The following RUNX2 variants were observed in gnomAD, a reference collection of about 807,000 sequenced individuals.
RUNX2 encodes runt-related transcription factor 2.
Under a neutral mutation model 51.7 loss-of-function variants are expected in RUNX2, and 10 were observed. That is an observed-to-expected ratio of 0.19 (90% confidence interval 0.12 to 0.33). The LOEUF (loss-of-function observed/expected upper bound fraction) is 0.33, where lower values mean the gene tolerates loss of function less well. RUNX2 is among the 10% of genes least tolerant of loss of function. RUNX2 has a pLI of 1.00. For synonymous variants in RUNX2, 276 were observed against 273.6 expected (o/e 1.01, Z -0.09); for missense variants, 562 against 691.3 (o/e 0.81, Z 2.10).
rs1462767373 is a variant in RUNX2, at chr6:45,351,788, C to T, written c.58+23004C>T. Among the ~76,000 whole-genome samples, 10 of 152,202 alleles carry T rather than the reference C, an allele frequency of 6.6e-5. 1 individual carries two copies. The East Asian group carries it at 1.9e-3, about 29-fold the overall frequency. On this transcript the variant is annotated intron_variant, in intron 2 of 8. Coordinates refer to ENST00000647337, the MANE Select transcript of RUNX2 (RefSeq NM_001024630.4). ...TTCAATAGCCTTCTGCCACATCTGC[C>T]CTTCAAATACCTAAATTAACCCAAT...
At chr6:45,341,636 G>A (rs1308285356) in intron 2 of RUNX2, among the ~76,000 whole-genome samples, 1 of 152,082 alleles carries the variant, frequency 6.6e-6, no homozygotes, top group Non-Finnish European at 1.5e-5. Context: ...TAAGACTCGA[G>A]GTAACAAAAA....
At chr6:45,376,410 G>A (rs1291167800) in intron 2 of RUNX2, among the ~76,000 whole-genome samples, 1 of 151,950 alleles carries the variant, frequency 6.6e-6, no homozygotes, top group Non-Finnish European at 1.5e-5. Context: ...GCCACATGTG[G>A]GTATTTAAAC....
intron 7 of RUNX2, among the ~76,000 whole-genome samples, chr6:45,515,264 G>T (rs1435681822): frequency 6.6e-6 from 1 of 152,114 alleles, no homozygotes; most frequent in South Asian, 2.1e-4. Context: ...TCGGACCCAG[G>T]TTTTTATCCC....
intron 6 of RUNX2, among the ~76,000 whole-genome samples, chr6:45,497,597 C>A (rs1311050284): frequency 6.6e-6 from 1 of 152,120 alleles, no homozygotes; most frequent in East Asian, 1.9e-4. Flanking sequence ...ATGCTGCCAC[C>A]TCTGTCAAGC....
At chr6:45,453,310 CG>C (rs1262529247) in intron 5 of RUNX2, among the ~76,000 whole-genome samples, 5 of 152,226 alleles carry the variant, frequency 3.3e-5, no homozygotes, top group South Asian at 2.1e-4. Context: ...TAAAAAAGAA[CG>C]CTCTTCTCAA....
intron 3 of RUNX2, among the ~76,000 whole-genome samples, chr6:45,425,776 T>G (rs929331360): frequency 6.6e-6 from 1 of 152,104 alleles, no homozygotes; most frequent in Non-Finnish European, 1.5e-5. Flanking sequence ...TATGAAGAAG[T>G]CTCCCTTTTA....
chr6:45,393,232 G>T (rs966540643), intron 2 of RUNX2, among the ~76,000 whole-genome samples: 1 of 151,998 alleles, frequency 6.6e-6, no homozygotes, highest in African/African-American at 2.4e-5. Context: ...TGTACTTTTT[G>T]CTTCTCAATA....
rs78307928 is a variant in RUNX2 at position 45,461,187 on chromosome 6, A to C, written c.685+23136A>C. ...ATCAGGCTAATGATGCAGGGCTGTAAAAGCTATTCAGAAAAGTCTCAGTTA... is the reference window on the plus strand; with the variant it reads ...ATCAGGCTAATGATGCAGGGCTGTACAAGCTATTCAGAAAAGTCTCAGTTA... On this transcript the variant is annotated intron_variant, in intron 5 of 8. Coordinates refer to ENST00000647337, the MANE Select transcript of RUNX2 (RefSeq NM_001024630.4). 6.3e-3 allele frequency among the ~76,000 whole-genome samples: 960 copies of C among 152,296 alleles called. 8 individuals carry two copies. Among genetic ancestry groups the C allele is most frequent in the African/African-American group, 0.022 (899 of 41,558 alleles).
intron 5 of RUNX2, among the ~76,000 whole-genome samples, chr6:45,468,611 C>T (rs987625257): frequency 1.3e-5 from 2 of 152,110 alleles, no homozygotes; most frequent in Admixed American, 1.3e-4. Flanking sequence ...CCTAGAAAAC[C>T]CAATGTGTTA....
At chr6:45,394,891 T>C (rs957421188) in intron 2 of RUNX2, among the ~76,000 whole-genome samples, 1 of 152,154 alleles carries the variant, frequency 6.6e-6, no homozygotes, top group African/African-American at 2.4e-5. Flanking sequence ...TTGAGAGCAT[T>C]TTTCCCTGAT....
At chr6:45,491,547 A>G (rs1040706974) in intron 5 of RUNX2, among the ~76,000 whole-genome samples, 1 of 149,786 alleles carries the variant, frequency 6.7e-6, no homozygotes, top group African/African-American at 2.5e-5. Context: ...ACATGCACGG[A>G]CTCTCTGAAC....
At chr6:45,455,612 G>A (rs1318996965) in intron 5 of RUNX2, among the ~76,000 whole-genome samples, 3 of 152,114 alleles carry the variant, frequency 2.0e-5, no homozygotes, top group Non-Finnish European at 4.4e-5. Flanking sequence ...CACCCGTAAA[G>A]GTCCATAAAG....
intron 5 of RUNX2, among the ~76,000 whole-genome samples, chr6:45,477,684 A>G (rs1057388197): frequency 2.0e-5 from 3 of 152,226 alleles, no homozygotes; most frequent in African/African-American, 7.2e-5. Flanking sequence ...GATTTAGCTT[A>G]GTATACTCTC....
chr6:45,459,693 G>A (rs1179439622), intron 5 of RUNX2, among the ~76,000 whole-genome samples: 3 of 152,312 alleles, frequency 2.0e-5, no homozygotes, highest in East Asian at 1.9e-4. Context: ...TCTATTGAAA[G>A]AGGGAGACAA....
chr6:45,490,661 A>G (rs938800551), intron 5 of RUNX2, among the ~76,000 whole-genome samples: 5 of 152,198 alleles, frequency 3.3e-5, no homozygotes, highest in African/African-American at 1.2e-4. Context: ...CTACCCATAG[A>G]GTAGTGAAAA....
chr6:45,512,257 G>A lies in RUNX2; in HGVS notation c.871G>A (p.Ala291Thr). The A allele has an allele frequency of 6.2e-7, 1 of 1,613,784 alleles. No homozygotes were observed. Among genetic ancestry groups the A allele is most frequent in the Non-Finnish European group, 8.5e-7 (1 of 1,179,994 alleles). Residue 291 changes from alanine (A) to threonine (T), a missense_variant, in exon 7 of 9, where the codon GCA (alanine) becomes ACA (threonine). Ala to Thr is a moderately conservative substitution (Grantham distance 58). This residue lies in a region of RUNX2 where 304 missense variants were observed against 353.2 expected (regional missense o/e 0.86). Coordinates refer to ENST00000647337, the MANE Select transcript of RUNX2 (RefSeq NM_001024630.4). ...GQSQITDPRQ[A>T]QSSPPWSYDQ... ...TTTCTTTTTCCCAGACCCCAGGCAG[G>A]CACAGTCTTCCCCGCCGTGGTCCTA...
intron 5 of RUNX2, among the ~76,000 whole-genome samples, chr6:45,481,276 A>G (rs1047697730): frequency 1.3e-5 from 2 of 152,220 alleles, no homozygotes; most frequent in Non-Finnish European, 2.9e-5. Flanking sequence ...AATGCCATCC[A>G]TGTTTAGCTG....
In RUNX2 at chr6:45,431,960, T is replaced by C. The variant is rs568476296; in HGVS notation, c.521T>C (p.Val174Ala). ...YSAELRNASAVMKNQVARFND... is the reference protein window; with the variant it reads ...YSAELRNASAAMKNQVARFND... ...GCTGAGCTCCGGAATGCCTCTGCTG[T>C]TATGAAAAACCAAGTAGCAAGGTTC... Residue 174 changes from valine to alanine, a missense_variant, in exon 4 of 9, where the codon GTT becomes GCT. This residue lies in a region of RUNX2 where 67 missense variants were observed against 106.5 expected (regional missense o/e 0.63). Coordinates refer to ENST00000647337, the MANE Select transcript of RUNX2 (RefSeq NM_001024630.4). The C allele has an allele frequency of 2.5e-6, 4 of 1,614,080 alleles. No homozygotes were observed. The highest frequency in any genetic ancestry group is 2.7e-5 in the African/African-American group (2 of 75,016).
intron 2 of RUNX2, among the ~76,000 whole-genome samples, chr6:45,411,984 G>A (rs976428506): frequency 2.6e-5 from 4 of 152,032 alleles, no homozygotes; most frequent in Non-Finnish European, 5.9e-5. Flanking sequence ...TCACTCAATA[G>A]CATTTTAGAC....
Sources: allele counts gnomAD v4.1 joint callset (sites outside exome capture counted in the v4.1 genomes callset), GRCh38; gene constraint gnomAD v4.1.1; regional missense constraint gnomAD v4.1.1; transcripts MANE v1.5; gene names NCBI Gene and HGNC (gene_info 2026-07-23, HGNC 2026-07-21).